EML5: variants seen among roughly 807,000 people sequenced by gnomAD.
The protein encoded by EML5 is EMAP like 5.
In EML5, 120 loss-of-function variants were observed where a neutral mutation model predicts 250.0. That is an observed-to-expected ratio of 0.48 (90% CI 0.41 to 0.56). EML5 has a LOEUF of 0.56. Among genes scored for constraint, EML5 ranks in the 20% least tolerant of loss-of-function variants. EML5 has a pLI of 0.00. For missense variants in EML5, 2,006 were observed against 2,437.6 expected (o/e 0.82, Z 3.73); for synonymous variants, 771 against 806.5 (o/e 0.96, Z 0.75).
chr14:88,660,924 T>C (rs1289604491), intron 25 of EML5, among the ~76,000 whole-genome samples: 1 of 152,170 alleles, frequency 6.6e-6, no homozygotes, highest in Non-Finnish European at 1.5e-5. Context: ...ATTCATTACA[T>C]TAAATCAATG....
intron 16 of EML5, among the ~76,000 whole-genome samples, chr14:88,694,942 A>C (rs1409124281): frequency 6.6e-6 from 1 of 152,124 alleles, no homozygotes; most frequent in Non-Finnish European, 1.5e-5. Flanking sequence ...TCACTGTAGA[A>C]AACTTAGAAA....
At chr14:88,689,791 T>A (rs1343039272) in intron 17 of EML5, among the ~76,000 whole-genome samples, 1 of 152,160 alleles carries the variant, frequency 6.6e-6, no homozygotes, top group Non-Finnish European at 1.5e-5. Flanking sequence ...CCAGGCACTA[T>A]TCAATGTACC....
Position 88,627,834 on chromosome 14 carries a change from T to A in EML5, c.4358-15A>T. ...AGGAGCTGTAGCTAAATAAAGATAGTATCAAAAAGTTGTAATCTACCTGTT... is the reference window on the plus strand; with the variant it reads ...AGGAGCTGTAGCTAAATAAAGATAGAATCAAAAAGTTGTAATCTACCTGTT... On this transcript the variant is annotated splice_polypyrimidine_tract_variant and intron_variant, in intron 33 of 43. Transcript: ENST00000554922. 6.4e-7 allele frequency: 1 copy of A among 1,557,840 alleles called. No individual in the cohort carries two copies. Among genetic ancestry groups the A allele is most frequent in the Non-Finnish European group, 8.7e-7 (1 of 1,154,800 alleles).
At chr14:88,640,756 C>T (rs1036762127) in intron 31 of EML5, among the ~76,000 whole-genome samples, 2 of 151,714 alleles carry the variant, frequency 1.3e-5, no homozygotes, top group African/African-American at 2.4e-5. Flanking sequence ...TACAAAGAAT[C>T]AACAAAATAA....
At chr14:88,750,580 C>T (rs775486795) in intron 2 of EML5, among the ~76,000 whole-genome samples, 8 of 152,234 alleles carry the variant, frequency 5.3e-5, no homozygotes, top group Non-Finnish European at 7.4e-5. Flanking sequence ...CCTTAATTAG[C>T]TTTAAGAACC....
At chr14:88,633,530 G>A (rs542736186) in intron 33 of EML5, among the ~76,000 whole-genome samples, 1 of 152,158 alleles carries the variant, frequency 6.6e-6, no homozygotes, top group Non-Finnish European at 1.5e-5. Flanking sequence ...AGATTTACTG[G>A]TTAAAAAACA....
chr14:88,758,681 C>T (rs2094196505), intron 1 of EML5, among the ~76,000 whole-genome samples: 1 of 152,058 alleles, frequency 6.6e-6, no homozygotes, highest in South Asian at 2.1e-4. Context: ...GATGTATTCC[C>T]AAAAGGAATG....
At chr14:88,747,081 C>A (rs1427308139) in intron 2 of EML5, among the ~76,000 whole-genome samples, 2 of 151,852 alleles carry the variant, frequency 1.3e-5, no homozygotes, top group African/African-American at 4.8e-5. Context: ...AGAATTCCTA[C>A]AGGTAGCAAT....
intron 27 of EML5, 56 bp from the exon 28 acceptor site, chr14:88,649,982 A>C: frequency 1.5e-6 from 2 of 1,301,476 alleles, no homozygotes; most frequent in African/African-American, 1.5e-5. Context: ...TTGATGATGA[A>C]TAGAATACAG....
At chr14:88,696,703 G>A in intron 15 of EML5, 144 bp downstream of exon 15, 1 of 445,060 alleles carries the variant, frequency 2.2e-6, no homozygotes, top group Non-Finnish European at 3.9e-6. Context: ...CATAGTATTT[G>A]ATAAGGATAA....
intron 8 of EML5, among the ~76,000 whole-genome samples, chr14:88,725,976 G>A (rs943241553): frequency 2.6e-5 from 4 of 152,160 alleles, no homozygotes; most frequent in Admixed American, 6.5e-5. Flanking sequence ...GAAAGACTTC[G>A]TAAGTACTTA....
At chr14:88,725,361 G>A (rs572093406) in intron 8 of EML5, among the ~76,000 whole-genome samples, 8 of 152,138 alleles carry the variant, frequency 5.3e-5, no homozygotes, top group Non-Finnish European at 1.2e-4. Flanking sequence ...AACCGGTCTC[G>A]GAAAGGGGAG....
intron 14 of EML5, among the ~76,000 whole-genome samples, chr14:88,702,089 T>A (rs1408752536): frequency 2.0e-5 from 3 of 152,170 alleles, no homozygotes; most frequent in African/African-American, 7.2e-5. Flanking sequence ...TCACAGGACA[T>A]TTGTTAAATA....
chr14:88,625,807 G>C (rs114107817), intron 35 of EML5: 2 of 152,184 alleles, frequency 1.3e-5, no homozygotes, highest in Admixed American at 1.3e-4. Context: ...AAAAATGTAA[G>C]TGTACTTAAA....
chr14:88,790,407 G>A (rs1412086305), intron 1 of EML5, among the ~76,000 whole-genome samples: 2 of 152,196 alleles, frequency 1.3e-5, no homozygotes, highest in African/African-American at 4.8e-5. Context: ...GAAAGTCAAA[G>A]CATTACCTTC....
intron 37 of EML5, chr14:88,622,136 C>A: frequency 5.2e-6 from 1 of 190,768 alleles, no homozygotes; most frequent in Non-Finnish European, 1.1e-5. Context: ...ATTTATCTTT[C>A]TGTGCCTGGC....
chr14:88,627,558 C>T, intron 34 of EML5, 88 bp downstream of exon 34: 2 of 1,355,090 alleles, frequency 1.5e-6, no homozygotes, highest in African/African-American at 1.5e-5. Context: ...GTTTCAACCA[C>T]CAACTTTAAG....
At chr14:88,688,224 C>T in intron 18 of EML5, 47 bp downstream of exon 18, 2 of 1,601,702 alleles carry the variant, frequency 1.2e-6, no homozygotes, top group East Asian at 2.2e-5. Context: ...ATGCTCTACA[C>T]TCCAGGACAA....
At position 88,627,764 on chromosome 14, in the gene EML5, G is replaced by A; in HGVS notation, c.4413C>T (p.Ile1471=). 10 of 1,611,042 alleles carry A rather than the reference G, an allele frequency of 6.2e-6. No homozygotes were observed. The highest frequency in any genetic ancestry group is 8.5e-6 in the Non-Finnish European group (10 of 1,178,606). ...WDAMNKQTLS[I]LRCYHSKGVC... ...CTCCCTTTGAATGGTAGCATCTTAG[G>A]ATAGATAAAGTCTGCTTGTTCATTG... is the stretch of plus-strand genomic sequence containing the variant. Residue 1471 remains isoleucine (I), a synonymous_variant, in exon 34 of 44, where the codon ATC becomes ATT. Transcript: ENST00000554922.
Sources: allele counts gnomAD v4.1 joint callset (sites outside exome capture counted in the v4.1 genomes callset), GRCh38; gene constraint gnomAD v4.1.1; transcripts MANE v1.5; gene names NCBI Gene and HGNC (gene_info 2026-07-23, HGNC 2026-07-21).